Variants in PRPF4 observed in about 807,000 individuals in gnomAD.
The protein encoded by PRPF4 is pre-mRNA splicing tri-snRNP complex factor PRPF4.
A neutral mutation model predicts 72.2 loss-of-function variants in PRPF4; 14 were observed. The observed-to-expected ratio is 0.19, with a 90% CI of 0.13 to 0.30. PRPF4 has a LOEUF of 0.30. Ranked by LOEUF, PRPF4 falls within the 10% of genes least tolerant of loss-of-function variation. The pLI is 1.00. For missense variants in PRPF4, 478 were observed against 653.9 expected (o/e 0.73, Z 2.93); for synonymous variants, 225 against 232.2 (o/e 0.97, Z 0.28).
At chr9:113,283,641 G>T (rs1345265808) in intron 6 of PRPF4, among the ~76,000 whole-genome samples, 159 bp downstream of exon 6, 2 of 152,184 alleles carry the variant, frequency 1.3e-5, no homozygotes, top group Non-Finnish European at 2.9e-5. Context: ...CAGTTAATGT[G>T]GCAGGAGCTT....
chr9:113,279,909 C>T (rs543207867), intron 3 of PRPF4, among the ~76,000 whole-genome samples: 1 of 152,258 alleles, frequency 6.6e-6, no homozygotes, highest in East Asian at 1.9e-4. Flanking sequence ...TTGCAGGTTG[C>T]GAAGTCTTAG....
At position 113,290,734 on chromosome 9, in the gene PRPF4, C is replaced by T. The variant is rs141716161; in HGVS notation, c.1180C>T (p.Arg394Cys). 2 of 1,614,022 alleles carry T rather than the reference C, an allele frequency of 1.2e-6. No homozygotes were observed. The highest frequency in any genetic ancestry group is 1.7e-6 in the Non-Finnish European group (2 of 1,180,038). ...LDAFGRVWDL[R>C]TGRCIMFLEG... ...TGCATTTGGTCGAGTTTGGGACCTACGCACAGGACGTTGTATCATGTTCTT... is the reference window on the plus strand; with the variant it reads ...TGCATTTGGTCGAGTTTGGGACCTATGCACAGGACGTTGTATCATGTTCTT... Residue 394 changes from arginine to cysteine, a missense_variant, in exon 12 of 14, where the codon CGC becomes TGC. Transcript: ENST00000374198.
Position 113,283,203 on chromosome 9 carries a change from G to C in PRPF4, c.552G>C (p.Ser184=), listed in dbSNP as rs151033757. The change falls in exon 5 of 14, where the codon TCG becomes TCC. Residue 184 remains serine, a synonymous_variant. Transcript: ENST00000374198. ...KVARLWIANY[S]LPRAMKRLEE... ...CAAGACTATGGATTGCTAATTATTC[G>C]TTGCCCAGGTAAAGAGAGCCTCCAG... The C allele has an allele frequency of 6.2e-7, 1 of 1,614,138 alleles. No homozygotes were observed. Among genetic ancestry groups the C allele is most frequent in the Admixed American group, 1.7e-5 (1 of 60,014 alleles).
intron 10 of PRPF4, among the ~76,000 whole-genome samples, chr9:113,289,010 A>G (rs1050428572): frequency 2.0e-5 from 3 of 152,328 alleles, no homozygotes; most frequent in Non-Finnish European, 2.9e-5. Context: ...AGAATAGTCC[A>G]TCACCCCAGA....
At chr9:113,277,059 C>T (rs1235367077) in intron 2 of PRPF4, among the ~76,000 whole-genome samples, 5 of 151,988 alleles carry the variant, frequency 3.3e-5, no homozygotes, top group African/African-American at 4.8e-5. Context: ...GTGATCCGCC[C>T]GCCTCGTCCT....
intron 2 of PRPF4, 85 bp downstream of exon 2, chr9:113,276,810 A>C: frequency 2.8e-6 from 4 of 1,439,124 alleles, no homozygotes; most frequent in Non-Finnish European, 3.7e-6. Flanking sequence ...TTATAATGTC[A>C]AAAAATTACA....
intron 9 of PRPF4, 47 bp downstream of exon 9, chr9:113,286,875 T>C (rs1271309535): frequency 1.2e-6 from 2 of 1,612,718 alleles, no homozygotes; most frequent in South Asian, 1.1e-5. Flanking sequence ...CTAAAGTAGA[T>C]GTTTGATTGG....
intron 9 of PRPF4, 95 bp downstream of exon 9, chr9:113,286,923 G>A: frequency 6.4e-7 from 1 of 1,572,616 alleles, no homozygotes; most frequent in East Asian, 2.3e-5. Flanking sequence ...TGGCATTTAG[G>A]CCATGCGCAG....
At chr9:113,275,915 C>A (rs1588006244) in intron 1 of PRPF4, 145 bp downstream of exon 1, 1 of 1,097,002 alleles carries the variant, frequency 9.1e-7, no homozygotes, top group Non-Finnish European at 1.3e-6. Flanking sequence ...TCCTACACAG[C>A]GGACCACCGT....
At chr9:113,288,359 C>T in intron 10 of PRPF4, 95 bp downstream of exon 10, 1 of 1,140,866 alleles carries the variant, frequency 8.8e-7, no homozygotes, top group Non-Finnish European at 1.3e-6. Flanking sequence ...GAGCAGAGAT[C>T]TTCAGGTAGG....
Position 113,291,597 on chromosome 9 carries a change from C to T in PRPF4, c.1503C>T (p.Ser501=), listed in dbSNP as rs763714131. Residue 501 remains serine, a synonymous_variant, in exon 14 of 14, where the codon TCC becomes TCT. Transcript: ENST00000374198. ...AAGTGATGGGCCTAGATATTTCTTCCGATGGGCAGCTCATAGCCACTTGCT... is the reference window on the plus strand; with the variant it reads ...AAGTGATGGGCCTAGATATTTCTTCTGATGGGCAGCTCATAGCCACTTGCT... The part of the protein sequence containing the change: ...EGKVMGLDIS[S]DGQLIATCSY... The T allele has an allele frequency of 9.3e-6, 15 of 1,614,018 alleles. No homozygotes were observed. The highest frequency in any genetic ancestry group is 3.3e-5 in the South Asian group (3 of 91,078).
Position 113,291,768 on chromosome 9 carries a change from A to G in PRPF4, c.*108A>G, listed in dbSNP as rs1832615170. On this transcript the variant is annotated 3_prime_UTR_variant, in exon 14 of 14. Transcript: ENST00000374198. ...TCTATCATGTTTTCTGCCAATTACC[A>G]TGCATAGACCCTCAGTAGAATTGGA... 6 of 1,100,182 alleles carry G rather than the reference A, an allele frequency of 5.5e-6. No homozygotes were observed. Among genetic ancestry groups the G allele is most frequent in the African/African-American group, 1.6e-5 (1 of 63,738 alleles). The allele number at this position is 1,100,182 out of a possible 1,614,324, so 68.2% of individuals were successfully genotyped here.
chr9:113,290,648 G>T (rs1832583229), intron 11 of PRPF4, 52 bp from the exon 12 acceptor site: 2 of 1,613,956 alleles, frequency 1.2e-6, no homozygotes, highest in African/African-American at 2.7e-5. Flanking sequence ...ACCTATACCT[G>T]CTTCCACAGA....
In PRPF4 at chr9:113,275,689, G is replaced by C. The variant is rs16931980; in HGVS notation, c.-55G>C. 1.9e-3 allele frequency: 2,917 copies of C among 1,575,456 alleles called. 49 individuals are homozygous for C. The African/African-American group carries it at 0.034, about 19-fold the overall frequency. On this transcript the variant is annotated 5_prime_UTR_variant, in exon 1 of 14. Coordinates refer to ENST00000374198, the MANE Select transcript of PRPF4 (RefSeq NM_001244926.2). ...CCCCTCTGCTGGGCGCGCGGTGGAC[G>C]GTCTGAAAGGGAGTGTTCGGGTTTC...
In PRPF4 at chr9:113,283,225, C is replaced by T. The variant is rs1832333727; in HGVS notation, c.560+14C>T. 6.2e-7 allele frequency: 1 copy of T among 1,614,038 alleles called. No homozygotes were observed. Among genetic ancestry groups the T allele is most frequent in the African/African-American group, 1.3e-5 (1 of 74,918 alleles). On this transcript the variant is annotated intron_variant, in intron 5 of 13. Coordinates refer to ENST00000374198, the MANE Select transcript of PRPF4 (RefSeq NM_001244926.2). ...TTCGTTGCCCAGGTAAAGAGAGCCTCCAGTAGAAGAAAGAAGCATATTTTT... is the reference window on the plus strand; with the variant it reads ...TTCGTTGCCCAGGTAAAGAGAGCCTTCAGTAGAAGAAAGAAGCATATTTTT...
chr9:113,275,789 C>T lies in PRPF4; in HGVS notation c.27+19C>T, dbSNP rs1400834046. On this transcript the variant is annotated intron_variant, in intron 1 of 13. Coordinates refer to ENST00000374198, the MANE Select transcript of PRPF4 (RefSeq NM_001244926.2). ...TTCCACGGTACAGAGCCCGGGATCC[C>T]AGCTCACTCTGGCAGGGAGCGCTAA... 6.2e-7 allele frequency: 1 copy of T among 1,610,728 alleles called. No homozygotes were observed.
At chr9:113,280,542 G>A (rs1230356799) in intron 3 of PRPF4, among the ~76,000 whole-genome samples, 2 of 152,110 alleles carry the variant, frequency 1.3e-5, no homozygotes, top group African/African-American at 2.4e-5. Context: ...TTCTACTTGC[G>A]AGATACAACT....
In PRPF4 at chr9:113,283,418, T is replaced by G. The variant is rs1413151775; in HGVS notation, c.590T>G (p.Leu197Arg). 1.9e-6 allele frequency: 3 copies of G among 1,614,140 alleles called. No homozygotes were observed. The Admixed American group carries it at 5.0e-5, about 27-fold the overall frequency. ...ATGAAACGCTTGGAAGAGGCCCGAC[T>G]CCATAAGGAGATTCCTGAGACAACA... ...RAMKRLEEAR[L>R]HKEIPETTRT... The change falls in exon 6 of 14, where the codon CTC (leucine) becomes CGC (arginine). Residue 197 changes from leucine (L) to arginine (R), a missense_variant. Leu to Arg is a moderately radical substitution (Grantham distance 102). Transcript: ENST00000374198.
chr9:113,288,860 AG>A (rs1292813184), intron 10 of PRPF4, among the ~76,000 whole-genome samples: 8 of 152,246 alleles, frequency 5.3e-5, no homozygotes, highest in Non-Finnish European at 1.2e-4. Context: ...CTGTAAGTTC[AG>A]GGAGGCTAGA....
Sources: allele counts gnomAD v4.1 joint callset (sites outside exome capture counted in the v4.1 genomes callset), GRCh38; gene constraint gnomAD v4.1.1; transcripts MANE v1.5; gene names NCBI Gene and HGNC (gene_info 2026-07-23, HGNC 2026-07-21).